TRAK1: variants seen among roughly 807,000 people sequenced by gnomAD.
TRAK1 encodes the protein trafficking kinesin protein 1.
A neutral mutation model predicts 92.1 loss-of-function variants in TRAK1; 33 were observed. The observed-to-expected ratio is 0.36, with a 90% CI of 0.27 to 0.48. The LOEUF is 0.48. Among genes scored for constraint, TRAK1 ranks in the 20% least tolerant of loss-of-function variants. TRAK1 has a pLI of 0.99. For missense variants in TRAK1, 1,123 were observed against 1,257.9 expected, an observed-to-expected ratio of 0.89 and a Z score of 1.62; for synonymous variants, 521 against 517.3, an observed-to-expected ratio of 1.01 and a Z score of -0.10.
At chr3:42,020,964 C>CA (rs1433611290) in intron 1 of TRAK1, among the ~76,000 whole-genome samples, 1 of 152,060 alleles carries the variant, frequency 6.6e-6, no homozygotes, top group South Asian at 2.1e-4. Context: ...TGAAGAATTT[C>CA]AAACCTGGGA....
chr3:42,193,678 A>G, intron 8 of TRAK1, 146 bp from the exon 9 acceptor site: 2 of 901,206 alleles, frequency 2.2e-6, no homozygotes, highest in South Asian at 2.9e-5. Context: ...TTACCTTCAA[A>G]ATAATATAAA....
chr3:42,201,314 G>T (rs1707518490), intron 12 of TRAK1, among the ~76,000 whole-genome samples: 1 of 152,156 alleles, frequency 6.6e-6, no homozygotes, highest in African/African-American at 2.4e-5. Context: ...CAAAAAATTA[G>T]CTGGGCATGG....
chr3:42,054,943 C>T (rs1283625704), intron 1 of TRAK1, among the ~76,000 whole-genome samples: 9 of 60,112 alleles, frequency 1.5e-4, no homozygotes, highest in Non-Finnish European at 2.4e-4. Flanking sequence ...TTTTTTGAGA[C>T]AGAGTCTCAC....
At chr3:42,155,250 A>T (rs112546118) in intron 2 of TRAK1, among the ~76,000 whole-genome samples, 40 of 152,228 alleles carry the variant, frequency 2.6e-4, no homozygotes, top group Non-Finnish European at 4.9e-4. Context: ...AACGTGGGAT[A>T]CTCAAGACAT....
intron 2 of TRAK1, among the ~76,000 whole-genome samples, chr3:42,127,053 G>A (rs1710654806): frequency 6.6e-6 from 1 of 152,116 alleles, no homozygotes; most frequent in Non-Finnish European, 1.5e-5. Context: ...GCATATAGGA[G>A]GCTCTTAGCA....
intron 1 of TRAK1, among the ~76,000 whole-genome samples, chr3:42,112,581 G>A (rs1399466591): frequency 6.6e-6 from 1 of 151,032 alleles, no homozygotes; most frequent in African/African-American, 2.4e-5. Context: ...CTAAAAATAC[G>A]AAAGTTAGCC....
chr3:42,091,346 C>T (rs1705029624), upstream of TRAK1: 2 of 822,960 alleles, frequency 2.4e-6, no homozygotes. Context: ...TTTGCCCTAA[C>T]AAGCAAACTC....
intron 1 of TRAK1, among the ~76,000 whole-genome samples, chr3:42,102,816 T>G (rs1448646843): frequency 6.6e-6 from 1 of 151,814 alleles, no homozygotes; most frequent in African/African-American, 2.4e-5. Context: ...CTGTGCACAA[T>G]GACCTTGGCA....
chr3:42,217,089 C>A (rs919839372), intron 14 of TRAK1, among the ~76,000 whole-genome samples: 2 of 149,446 alleles, frequency 1.3e-5, no homozygotes, highest in Non-Finnish European at 3.0e-5. Flanking sequence ...ATGTTTCTCT[C>A]TCTCTCTCTT....
intron 14 of TRAK1, among the ~76,000 whole-genome samples, chr3:42,213,872 A>G (rs1486057965): frequency 1.3e-5 from 2 of 152,136 alleles, no homozygotes; most frequent in Admixed American, 6.5e-5. Context: ...GTTTTATGGC[A>G]GTTATGAGGG....
intron 1 of TRAK1, among the ~76,000 whole-genome samples, chr3:42,070,798 C>A (rs891152743): frequency 2.0e-5 from 3 of 152,156 alleles, no homozygotes; most frequent in African/African-American, 7.2e-5. Flanking sequence ...CTTTTTATGT[C>A]CCAACTGTTT....
chr3:42,078,276 A>G (rs1026986491), intron 1 of TRAK1, among the ~76,000 whole-genome samples: 19 of 152,158 alleles, frequency 1.2e-4, no homozygotes, highest in African/African-American at 4.6e-4. Flanking sequence ...CAAGATTTCT[A>G]CCCACTAGTT....
chr3:42,141,172 C>T (rs1478617321), intron 2 of TRAK1, among the ~76,000 whole-genome samples: 1 of 152,134 alleles, frequency 6.6e-6, no homozygotes, highest in Non-Finnish European at 1.5e-5. Context: ...TATTCATATA[C>T]TCACCCAACT....
Position 42,223,065 on chromosome 3 carries a change from C to G in TRAK1, c.2190C>G (p.Ser730=). The change falls in exon 16 of 16, where the codon TCC becomes TCG. Residue 730 remains serine (S), a synonymous_variant. Coordinates refer to ENST00000327628, the MANE Select transcript of TRAK1 (RefSeq NM_001042646.3). This position sits in a 1 kb window ranked among gnomAD's most constrained non-coding sequence, Gnocchi z 6.1. ...LAESFTNTRE[S]TTTMSTSLGL... is the part of the protein sequence containing the mutation. ...AGTCCTTCACTAACACCCGTGAGTC[C>G]ACGACCACCATGAGCACATCCCTGG... 4 of 1,614,078 alleles carry G rather than the reference C, an allele frequency of 2.5e-6. No individual in the cohort carries two copies. The highest frequency in any genetic ancestry group is 3.4e-6 in the Non-Finnish European group (4 of 1,180,026).
chr3:42,038,376 G>C (rs1204134955), intron 1 of TRAK1, among the ~76,000 whole-genome samples: 1 of 152,198 alleles, frequency 6.6e-6, no homozygotes, highest in Non-Finnish European at 1.5e-5. Flanking sequence ...CCAGGTTGGA[G>C]TGCAGTGGTG....
chr3:42,198,248 C>A (rs1707034492), intron 10 of TRAK1, among the ~76,000 whole-genome samples: 1 of 152,192 alleles, frequency 6.6e-6, no homozygotes, highest in South Asian at 2.1e-4. Flanking sequence ...AGGGGACATC[C>A]ATCTGGCAGC....
At chr3:42,047,482 C>T (rs536150365) in intron 1 of TRAK1, among the ~76,000 whole-genome samples, 10 of 152,012 alleles carry the variant, frequency 6.6e-5, no homozygotes, top group East Asian at 1.9e-4. Flanking sequence ...GGATTACAGG[C>T]GTAAGCCACC....
At position 42,079,509 on chromosome 3, in the gene TRAK1, CT is replaced by C. The variant is rs1704330392; in HGVS notation, c.-518-7593del. Among the ~76,000 whole-genome samples, 3 of 127,368 alleles carry C rather than the reference CT, an allele frequency of 2.4e-5. No individual in the cohort carries two copies. The South Asian group carries it at 8.2e-4, about 35-fold the overall frequency. 83.6% of individuals were successfully genotyped at this position (127,368 alleles called of 152,430 possible). On this transcript the variant is annotated intron_variant, in intron 1 of 16. Coordinates refer to the TRAK1 transcript ENST00000487159. ...TTTTTTTTTTGTTTTGAGATAGAGT[CT>C]TGCTGTCTTGCCCAGGCTGGAGTAC...
intron 1 of TRAK1, among the ~76,000 whole-genome samples, chr3:42,060,058 T>G (rs888025959): frequency 6.6e-6 from 1 of 152,178 alleles, no homozygotes; most frequent in Non-Finnish European, 1.5e-5. Flanking sequence ...TCTGTTTTTT[T>G]CCCAATGATT....
Sources: allele counts gnomAD v4.1 joint callset (sites outside exome capture counted in the v4.1 genomes callset), GRCh38; gene constraint gnomAD v4.1.1; non-coding constraint Gnocchi (gnomAD v3.1); transcripts MANE v1.5; gene names NCBI Gene and HGNC (gene_info 2026-07-23, HGNC 2026-07-21).